Variants in GALNT16 observed in about 807,000 individuals in gnomAD.
The protein encoded by GALNT16 is UDP-GalNAc:polypeptide N-acetylgalactosaminyltransferase-like protein 1.
GALNT16 carries 40 observed loss-of-function variants against 76.1 expected under a neutral mutation model. The ratio of observed to expected loss-of-function variants is 0.53; its 90% CI spans 0.41 to 0.68. The LOEUF is 0.68. Ranked by LOEUF, GALNT16 falls within the 30% of genes least tolerant of loss-of-function variation. The pLI, the probability that GALNT16 is intolerant of heterozygous loss-of-function variation, is 0.00. For synonymous variants in GALNT16, 276 were observed against 285.2 expected, an observed-to-expected ratio of 0.97 and a Z score of 0.32; for missense variants, 621 against 731.9, an observed-to-expected ratio of 0.85 and a Z score of 1.75.
At chr14:69,307,698 C>T (rs1241739569) in intron 1 of GALNT16, among the ~76,000 whole-genome samples, 1 of 152,132 alleles carries the variant, frequency 6.6e-6, no homozygotes, top group Non-Finnish European at 1.5e-5. Context: ...CCCTGCCTGC[C>T]CACCTCAACT....
chr14:69,375,682 C>G, the GALNT16 span, among the ~76,000 whole-genome samples: 1 of 152,290 alleles, frequency 6.6e-6, no homozygotes, highest in Non-Finnish European at 1.5e-5. Context: ...CACTCTGTTA[C>G]CCATGCTGGA....
At chr14:69,343,267 G>A (rs1298781373) in intron 12 of GALNT16, among the ~76,000 whole-genome samples, 1 of 152,204 alleles carries the variant, frequency 6.6e-6, no homozygotes, top group Non-Finnish European at 1.5e-5. Context: ...CTTGAAAGAG[G>A]CAAATCTTTG....
chr14:69,309,089 C>T (rs1029989278), intron 1 of GALNT16, among the ~76,000 whole-genome samples: 49 of 152,056 alleles, frequency 3.2e-4, no homozygotes, highest in African/African-American at 1.1e-3. Flanking sequence ...AACATCTTTT[C>T]ATTTATTAAT....
At chr14:69,316,653 A>G (rs1171775240) in intron 1 of GALNT16, among the ~76,000 whole-genome samples, 1 of 152,058 alleles carries the variant, frequency 6.6e-6, no homozygotes, top group Non-Finnish European at 1.5e-5. Flanking sequence ...GGAGCCTTCC[A>G]CAGAAAGAGA....
At chr14:69,260,664 A>G in intron 1 of GALNT16, 197 bp downstream of exon 1, 1 of 288,746 alleles carries the variant, frequency 3.5e-6, no homozygotes, top group Non-Finnish European at 6.2e-6. Context: ...GCACCGACTA[A>G]GGGAGGGTGA....
At chr14:69,384,519 C>T in the GALNT16 span, among the ~76,000 whole-genome samples, 4 of 152,210 alleles carry the variant, frequency 2.6e-5, no homozygotes, top group Non-Finnish European at 5.9e-5. Flanking sequence ...TTCAAGTTTA[C>T]TTCCCACTTA....
chr14:69,282,443 T>C (rs1409606642), intron 1 of GALNT16, among the ~76,000 whole-genome samples: 1 of 152,082 alleles, frequency 6.6e-6, no homozygotes, highest in East Asian at 1.9e-4. Context: ...GATCTGACCA[T>C]GGTTGGCTCC....
At chr14:69,359,294 A>C (rs1294893472), downstream of GALNT16, 3 of 152,248 alleles carry the variant, frequency 2.0e-5, no homozygotes, top group African/African-American at 7.2e-5. Flanking sequence ...GAATTAATTA[A>C]AGATAAAGCA....
At chr14:69,278,429 T>C (rs1305640378) in intron 1 of GALNT16, among the ~76,000 whole-genome samples, 3 of 152,218 alleles carry the variant, frequency 2.0e-5, no homozygotes, top group Non-Finnish European at 4.4e-5. Context: ...TTTTGGCAAA[T>C]AATTGATTCA....
rs187113409 is a variant in GALNT16, at chr14:69,353,174, C to G, written c.*1006C>G. The stretch of plus-strand genomic sequence containing the variant: ...TCAAAGGTTTTTGCCTCTGTCAATA[C>G]AGCATCATGGGTGGTTGGAAAGAAG... On this transcript the variant is annotated 3_prime_UTR_variant, in exon 15 of 15. Coordinates refer to ENST00000448469, the MANE Select transcript of GALNT16 (RefSeq NM_001168368.2). Among the ~76,000 whole-genome samples the G allele has an allele frequency of 2.1e-3, 320 of 152,298 alleles. 2 individuals carry two copies. Among genetic ancestry groups the G allele is most frequent in the Non-Finnish European group, 3.2e-3 (221 of 68,024 alleles).
At chr14:69,372,767 G>A in the GALNT16 span, among the ~76,000 whole-genome samples, 1 of 152,100 alleles carries the variant, frequency 6.6e-6, no homozygotes. Flanking sequence ...GATACGTTGA[G>A]GTATCAAGCA....
intron 1 of GALNT16, among the ~76,000 whole-genome samples, chr14:69,285,275 C>T (rs566104133): frequency 5.3e-5 from 8 of 152,240 alleles, no homozygotes; most frequent in South Asian, 2.1e-4. Flanking sequence ...CTCCTGACCT[C>T]GGCCTCTCAA....
chr14:69,351,700 G>T (rs1428893743), intron 14 of GALNT16: 1 of 187,140 alleles, frequency 5.3e-6, no homozygotes, highest in Non-Finnish European at 1.1e-5. Flanking sequence ...CTTGAGGTGA[G>T]ACGTTCTAGC....
At chr14:69,315,699 C>G (rs2045089698) in intron 1 of GALNT16, among the ~76,000 whole-genome samples, 1 of 152,092 alleles carries the variant, frequency 6.6e-6, no homozygotes, top group South Asian at 2.1e-4. Context: ...TTGGGTTTGA[C>G]TTTGTTTTTT....
rs562096869 is a variant in GALNT16 at position 69,343,776 on chromosome 14, G to A, written c.1271+2012G>A. On this transcript the variant is annotated intron_variant, in intron 12 of 14. Transcript: ENST00000448469. ...AATGCCCTTCCTCTCCAACCTCAGT[G>A]CCCTGCCACAGGGTCTGATGACACC... Among the ~76,000 whole-genome samples the A allele has an allele frequency of 1.6e-4, 25 of 152,292 alleles. No homozygotes were observed. In the South Asian group the frequency reaches 3.1e-3, roughly 19 times the overall value.
chr14:69,307,155 G>A (rs144063501), intron 1 of GALNT16, among the ~76,000 whole-genome samples: 4 of 152,192 alleles, frequency 2.6e-5, no homozygotes, highest in East Asian at 3.9e-4. Context: ...TCCAAAGCTC[G>A]AGATCCCCAA....
chr14:69,295,678 C>T (rs1219596606), intron 1 of GALNT16, among the ~76,000 whole-genome samples: 2 of 152,134 alleles, frequency 1.3e-5, no homozygotes, highest in Non-Finnish European at 2.9e-5. Flanking sequence ...TGAGATCGCA[C>T]TACTGTACTC....
intron 1 of GALNT16, among the ~76,000 whole-genome samples, chr14:69,282,840 A>G (rs2044562172): frequency 6.6e-6 from 1 of 151,838 alleles, no homozygotes; most frequent in South Asian, 2.1e-4. Context: ...TAATTTTTGT[A>G]TTTTTGGTAG....
chr14:69,385,808 C>G, the GALNT16 span, among the ~76,000 whole-genome samples: 3 of 152,120 alleles, frequency 2.0e-5, no homozygotes, highest in African/African-American at 7.2e-5. Context: ...ATCCAGGGGT[C>G]AATTAAATTC....
Sources: allele counts gnomAD v4.1 joint callset (sites outside exome capture counted in the v4.1 genomes callset), GRCh38; gene constraint gnomAD v4.1.1; transcripts MANE v1.5; gene names NCBI Gene and HGNC (gene_info 2026-07-23, HGNC 2026-07-21).